MICAL2: variants seen among roughly 807,000 people sequenced by gnomAD.
MICAL2 encodes [F-actin]-monooxygenase MICAL2.
MICAL2 carries 77 observed loss-of-function variants against 127.3 expected under a neutral mutation model. The observed-to-expected ratio is 0.60, with a 90% confidence interval of 0.50 to 0.73. The LOEUF is 0.73. Ranked by LOEUF, MICAL2 falls within the 30% of genes least tolerant of loss-of-function variation. MICAL2 has a pLI of 0.00. For synonymous variants in MICAL2, 570 were observed against 551.1 expected, an observed-to-expected ratio of 1.03 and a Z score of -0.48; for missense variants, 1,351 against 1,434.4, an observed-to-expected ratio of 0.94 and a Z score of 0.94.
intron 1 of MICAL2, among the ~76,000 whole-genome samples, chr11:12,114,169 C>A (rs1405155307): frequency 6.6e-6 from 1 of 152,214 alleles, no homozygotes; most frequent in Non-Finnish European, 1.5e-5. Context: ...TTGGCTTCCT[C>A]TCTCTCTTTT....
At chr11:12,347,821 A>G (rs537971293) in intron 32 of MICAL2, among the ~76,000 whole-genome samples, 27 of 152,246 alleles carry the variant, frequency 1.8e-4, no homozygotes, top group African/African-American at 6.3e-4. Flanking sequence ...ACTCCTGTGC[A>G]GATACTAAAA....
intron 1 of MICAL2, among the ~76,000 whole-genome samples, chr11:12,113,171 T>C (rs1369361146): frequency 6.6e-6 from 1 of 152,216 alleles, no homozygotes; most frequent in Non-Finnish European, 1.5e-5. Context: ...GTTTCATTCT[T>C]TACATCATTC....
At chr11:12,301,014 T>C (rs1241081598) in intron 29 of MICAL2, among the ~76,000 whole-genome samples, 2 of 152,200 alleles carry the variant, frequency 1.3e-5, no homozygotes, top group Non-Finnish European at 2.9e-5. Context: ...GACTTAACAG[T>C]TCCACATGGC....
At chr11:12,343,735 G>T (rs1392906434) in intron 32 of MICAL2, among the ~76,000 whole-genome samples, 1 of 152,176 alleles carries the variant, frequency 6.6e-6, no homozygotes, top group East Asian at 1.9e-4. Flanking sequence ...AACAAGGAAG[G>T]ATAGGCCCAG....
chr11:12,247,361 C>T (rs1860895481), intron 21 of MICAL2, among the ~76,000 whole-genome samples: 1 of 152,198 alleles, frequency 6.6e-6, no homozygotes, highest in African/African-American at 2.4e-5. Context: ...TCTCCCTAGC[C>T]AGCGTTGGCC....
chr11:12,118,183 C>T (rs1454648374), intron 1 of MICAL2, among the ~76,000 whole-genome samples: 1 of 152,194 alleles, frequency 6.6e-6, no homozygotes. Context: ...GTGACTTACC[C>T]ACACATACAT....
chr11:12,159,726 T>C (rs1854564629), intron 2 of MICAL2, among the ~76,000 whole-genome samples: 1 of 152,230 alleles, frequency 6.6e-6, no homozygotes, highest in African/African-American at 2.4e-5. Flanking sequence ...CAAAGATAGA[T>C]AAAGACTGAG....
rs575433518 is a variant in MICAL2 at position 12,260,837 on chromosome 11, T to TC, written c.3334+947dup. On this transcript the variant is annotated intron_variant, in intron 26 of 27. Transcript: ENST00000683283. The stretch of plus-strand genomic sequence containing the variant: ...ATGTTAAACAGTAGCTTAAAGGCTT[T>TC]CCCCCCCATACCAACTCACAGCCAA... 4.2e-4 allele frequency: 417 copies of TC among 985,202 alleles called. 2 individuals carry two copies. The African/African-American group carries it at 6.7e-3, about 16-fold the overall frequency. The allele number at this position is 985,202 out of a possible 1,614,324, so 61.0% of individuals were successfully genotyped here. A position where few individuals can be genotyped will look rare whatever the true frequency, so the allele number is the denominator to read the frequency against.
chr11:12,219,098 T>G (rs1409867600), intron 8 of MICAL2, among the ~76,000 whole-genome samples: 3 of 152,208 alleles, frequency 2.0e-5, no homozygotes, highest in Non-Finnish European at 4.4e-5. Flanking sequence ...CAGATTTAGT[T>G]AGTAAACAGC....
chr11:12,336,407 A>G (rs990442152), intron 32 of MICAL2, among the ~76,000 whole-genome samples: 3 of 152,196 alleles, frequency 2.0e-5, no homozygotes, highest in Admixed American at 1.3e-4. Context: ...AAACAGGGAA[A>G]TTTGACTTCC....
At chr11:12,202,191 C>G (rs1854110673) in intron 3 of MICAL2, among the ~76,000 whole-genome samples, 1 of 152,108 alleles carries the variant, frequency 6.6e-6, no homozygotes, top group African/African-American at 2.4e-5. Context: ...CTTCCCGTCT[C>G]TTCTCCCAAA....
chr11:12,156,515 C>G (rs567188767), intron 2 of MICAL2, among the ~76,000 whole-genome samples: 1 of 152,238 alleles, frequency 6.6e-6, no homozygotes, highest in East Asian at 1.9e-4. Context: ...TGGAAGTGAC[C>G]GAGGCCAGGC....
At chr11:12,359,334 C>CA (rs138650957), downstream of MICAL2, among the ~76,000 whole-genome samples, 2,764 of 137,346 alleles carry the variant, frequency 0.02, 25 homozygotes, top group South Asian at 0.023. Context: ...TTGATGATGG[C>CA]AAAAAAAAAA....
intron 32 of MICAL2, among the ~76,000 whole-genome samples, chr11:12,334,461 A>G (rs1402217821): frequency 6.6e-6 from 1 of 151,484 alleles, no homozygotes; most frequent in Non-Finnish European, 1.5e-5. Flanking sequence ...TAATTTTATT[A>G]TTATTATACT....
intron 2 of MICAL2, among the ~76,000 whole-genome samples, chr11:12,285,882 C>T (rs1863820925): frequency 6.6e-6 from 1 of 152,020 alleles, no homozygotes; most frequent in South Asian, 2.1e-4. Context: ...ACACCCACAT[C>T]ATGCCCTTGG....
At chr11:12,327,279 A>T in intron 32 of MICAL2, 1 of 1,548,184 alleles carries the variant, frequency 6.5e-7, no homozygotes, top group East Asian at 2.4e-5. Flanking sequence ...ACGGCATCCC[A>T]GCAGATCCGG....
intron 15 of MICAL2, among the ~76,000 whole-genome samples, chr11:12,229,510 T>G (rs1051485101): frequency 6.6e-6 from 1 of 152,212 alleles, no homozygotes; most frequent in African/African-American, 2.4e-5. Flanking sequence ...CAGTCAGTGT[T>G]TCTGGAAGCT....
At chr11:12,233,458 T>C (rs1431345376) in intron 15 of MICAL2, among the ~76,000 whole-genome samples, 1 of 152,250 alleles carries the variant, frequency 6.6e-6, no homozygotes, top group Non-Finnish European at 1.5e-5. Flanking sequence ...AAATTATTCC[T>C]GGGCTAGGCT....
At chr11:12,119,343 G>T (rs777133157) in intron 1 of MICAL2, among the ~76,000 whole-genome samples, 1 of 152,172 alleles carries the variant, frequency 6.6e-6, no homozygotes, top group South Asian at 2.1e-4. Context: ...AATTGGCATG[G>T]CTGCACAATA....
Sources: allele counts gnomAD v4.1 joint callset (sites outside exome capture counted in the v4.1 genomes callset), GRCh38; gene constraint gnomAD v4.1.1; transcripts MANE v1.5; gene names NCBI Gene and HGNC (gene_info 2026-07-23, HGNC 2026-07-21).